PTPRO: variants seen among roughly 807,000 people sequenced by gnomAD.
The protein encoded by PTPRO is receptor-type tyrosine-protein phosphatase O.
A neutral mutation model predicts 145.2 loss-of-function variants in PTPRO; 62 were observed. That is an observed-to-expected ratio of 0.43 (90% CI 0.35 to 0.53). The LOEUF is 0.53. Among genes scored for constraint, PTPRO ranks in the 20% least tolerant of loss-of-function variants. PTPRO has a pLI of 0.01. For missense variants in PTPRO, 1,345 were observed against 1,482.7 expected (o/e 0.91, Z 1.53); for synonymous variants, 565 against 514.7 (o/e 1.10, Z -1.32).
chr12:15,461,153 T>C lies in PTPRO; in HGVS notation c.76-22821T>C, dbSNP rs186888752. Among the ~76,000 whole-genome samples, 309 of 152,296 alleles carry C rather than the reference T, an allele frequency of 2.0e-3. 1 individual carries two copies. The highest frequency in any genetic ancestry group is 3.4e-3 in the Middle Eastern group (1 of 294). On this transcript the variant is annotated intron_variant, in intron 1 of 26. Coordinates refer to ENST00000281171, the MANE Select transcript of PTPRO (RefSeq NM_030667.3). The stretch of plus-strand genomic sequence containing the variant: ...ACTAACTGAAGGTTTCCTCTGCAAA[T>C]AAGAACTTTGGTCTCCACAATTCTT...
chr12:15,363,782 G>A (rs774835599), intron 1 of PTPRO, among the ~76,000 whole-genome samples: 15 of 152,006 alleles, frequency 9.9e-5, no homozygotes, highest in Non-Finnish European at 1.6e-4. Flanking sequence ...GCAAAAAAAC[G>A]CTATCACTGT....
At chr12:15,343,705 A>T (rs941674618) in intron 1 of PTPRO, among the ~76,000 whole-genome samples, 6 of 152,116 alleles carry the variant, frequency 3.9e-5, no homozygotes, top group Non-Finnish European at 5.9e-5. Flanking sequence ...ATATATATAT[A>T]TTTTTTGAGA....
At chr12:15,356,931 A>G (rs1205566468) in intron 1 of PTPRO, among the ~76,000 whole-genome samples, 1 of 152,090 alleles carries the variant, frequency 6.6e-6, no homozygotes. Context: ...GTCACGGTCA[A>G]TGCTGTAGAT....
chr12:15,501,015 A>G (rs1211660113), intron 4 of PTPRO, among the ~76,000 whole-genome samples: 1 of 152,232 alleles, frequency 6.6e-6, no homozygotes, highest in African/African-American at 2.4e-5. Flanking sequence ...GAGACTACGC[A>G]GTGCGTCTTC....
At chr12:15,397,135 A>G (rs1313654214) in intron 1 of PTPRO, among the ~76,000 whole-genome samples, 2 of 152,330 alleles carry the variant, frequency 1.3e-5, no homozygotes, top group East Asian at 3.9e-4. Context: ...CTGGCATATC[A>G]TAAAAATTTA....
intron 18 of PTPRO, among the ~76,000 whole-genome samples, chr12:15,567,487 C>G (rs964591999): frequency 5.3e-5 from 8 of 151,998 alleles, no homozygotes; most frequent in Non-Finnish European, 1.0e-4. Flanking sequence ...GTCCATTCTT[C>G]TGTTTGCTAT....
intron 1 of PTPRO, among the ~76,000 whole-genome samples, chr12:15,461,324 TTCTTAAATG>T (rs1256295091): frequency 4.6e-5 from 7 of 152,132 alleles, no homozygotes; most frequent in African/African-American, 1.7e-4. Flanking sequence ...ACCAATGTAT[TTCTTAAATG>T]TATTTGATTG....
chr12:15,562,161 A>G (rs1260375084), intron 17 of PTPRO, among the ~76,000 whole-genome samples: 1 of 152,150 alleles, frequency 6.6e-6, no homozygotes, highest in African/African-American at 2.4e-5. Flanking sequence ...CATACTGGAT[A>G]TAAACTATGT....
chr12:15,353,132 T>C (rs943428533), intron 1 of PTPRO, among the ~76,000 whole-genome samples: 1 of 152,224 alleles, frequency 6.6e-6, no homozygotes, highest in Non-Finnish European at 1.5e-5. Flanking sequence ...CTCCCATTTA[T>C]GTGCAGGTTA....
In PTPRO at chr12:15,589,365, G is replaced by A. The variant is rs140525470; in HGVS notation, c.3411-90G>A. 3.5e-4 allele frequency: 548 copies of A among 1,548,318 alleles called. 5 individuals carry two copies. In the African/African-American group the frequency reaches 7.0e-3, roughly 20 times the overall value. ...CACTCCAGCCTGGGCAACAGAGCAA[G>A]ACTCCATCTCAAAGAAAAAAAAAAA... is the stretch of plus-strand genomic sequence containing the variant. On this transcript the variant is annotated intron_variant, in intron 24 of 26. Coordinates refer to ENST00000281171, the MANE Select transcript of PTPRO (RefSeq NM_030667.3).
At chr12:15,432,983 G>A (rs1191861787) in intron 1 of PTPRO, among the ~76,000 whole-genome samples, 2 of 151,772 alleles carry the variant, frequency 1.3e-5, no homozygotes, top group Admixed American at 6.6e-5. Flanking sequence ...TCATTTGTTT[G>A]TTTTTGTTGT....
chr12:15,461,855 C>A (rs910793402), intron 1 of PTPRO, among the ~76,000 whole-genome samples: 1 of 152,040 alleles, frequency 6.6e-6, no homozygotes, highest in Admixed American at 6.5e-5. Flanking sequence ...CGTGAGCAAC[C>A]ATGCCTGGCC....
chr12:15,377,803 C>A (rs903149548), intron 1 of PTPRO, among the ~76,000 whole-genome samples: 1 of 151,858 alleles, frequency 6.6e-6, no homozygotes, highest in African/African-American at 2.4e-5. Context: ...TGTTCTCTGA[C>A]CACAAGAAAA....
chr12:15,394,519 C>T (rs1939282792), intron 1 of PTPRO, among the ~76,000 whole-genome samples: 1 of 152,032 alleles, frequency 6.6e-6, no homozygotes, highest in South Asian at 2.1e-4. Flanking sequence ...TTGTCATATG[C>T]CCCGATCTAT....
chr12:15,329,865 A>T (rs1039350582), intron 1 of PTPRO, among the ~76,000 whole-genome samples: 5 of 152,214 alleles, frequency 3.3e-5, no homozygotes, highest in Admixed American at 3.3e-4. Flanking sequence ...TTTTAAGATG[A>T]TTCCTGAGCT....
At chr12:15,589,353 G>A (rs1259256062) in intron 24 of PTPRO, 102 bp from the exon 25 acceptor site, 15 of 1,523,946 alleles carry the variant, frequency 9.8e-6, no homozygotes, top group Non-Finnish European at 1.4e-5. Flanking sequence ...TCCAGCCTGG[G>A]CAACAGAGCA....
chr12:15,592,347 G>A (rs768097343), intron 25 of PTPRO, among the ~76,000 whole-genome samples: 3 of 152,100 alleles, frequency 2.0e-5, no homozygotes, highest in Non-Finnish European at 4.4e-5. Flanking sequence ...GAATGAAATG[G>A]TTCTCCACTT....
chr12:15,589,044 G>GT (rs1192340946), intron 24 of PTPRO, among the ~76,000 whole-genome samples: 1 of 152,144 alleles, frequency 6.6e-6, no homozygotes, highest in Non-Finnish European at 1.5e-5. Flanking sequence ...ACTATTTGTA[G>GT]TTTTTTAGAA....
At chr12:15,567,485 T>C (rs1258288800) in intron 18 of PTPRO, among the ~76,000 whole-genome samples, 1 of 152,138 alleles carries the variant, frequency 6.6e-6, no homozygotes, top group Non-Finnish European at 1.5e-5. Flanking sequence ...ATGTCCATTC[T>C]TCTGTTTGCT....
Sources: gnomAD v4.1 joint callset for allele counts (sites outside exome capture counted in the v4.1 genomes callset) on GRCh38, gnomAD v4.1.1 for gene constraint, MANE v1.5 for transcripts, NCBI Gene and HGNC (gene_info 2026-07-23, HGNC 2026-07-21) for gene names.